The following STARD8 variants were observed in gnomAD, a reference collection of about 807,000 sequenced individuals.
STARD8 encodes stAR-related lipid transfer protein 8.
A neutral mutation model predicts 69.4 loss-of-function variants in STARD8; 25 were observed. That is an observed-to-expected ratio of 0.36 (90% CI 0.26 to 0.50). The LOEUF is 0.50. Ranked by LOEUF, STARD8 falls within the 20% of genes least tolerant of loss-of-function variation. STARD8 has a pLI of 0.96. For missense variants in STARD8, 921 were observed against 932.5 expected (o/e 0.99, Z 0.16); for synonymous variants, 389 against 374.6 (o/e 1.04, Z -0.45).
chrX:68,723,284 T>C (rs1214126013), intron 12 of STARD8, among the ~76,000 whole-genome samples: 5 of 112,800 alleles, frequency 4.4e-5, no homozygotes, highest in Non-Finnish European at 7.5e-5. Context: ...GTTGTGCATG[T>C]GTTTTACTGC....
At chrX:68,685,479 C>T (rs1369706331) in intron 2 of STARD8, among the ~76,000 whole-genome samples, 2 of 112,374 alleles carry the variant, frequency 1.8e-5, no homozygotes, top group African/African-American at 3.2e-5. Context: ...AGTTTGCTTG[C>T]GGTGGTGGGG....
chrX:68,681,950 G>A (rs2079803392), intron 2 of STARD8, among the ~76,000 whole-genome samples: 1 of 110,578 alleles, frequency 9.0e-6, no homozygotes, highest in Admixed American at 9.6e-5. Context: ...TTTGGTCAAG[G>A]TTGCTCCTGG....
chrX:68,717,152 G>A (rs1219846642), intron 5 of STARD8, 60 bp from the exon 6 acceptor site: 2 of 1,106,851 alleles, frequency 1.8e-6, no homozygotes, highest in East Asian at 6.5e-5. Flanking sequence ...AGAGAGTGGA[G>A]TACAAGCAAG....
intron 2 of STARD8, among the ~76,000 whole-genome samples, chrX:68,677,463 T>A (rs1024363548): frequency 8.9e-6 from 1 of 111,820 alleles, no homozygotes; most frequent in Non-Finnish European, 1.9e-5. Flanking sequence ...CCTCGAGGGC[T>A]GTGTCCCCAT....
In STARD8 at chrX:68,717,864, A is replaced by G; in HGVS notation, c.950A>G (p.Glu317Gly). The G allele has an allele frequency of 8.3e-7, 1 of 1,210,225 alleles. No homozygotes were observed. The highest frequency in any genetic ancestry group is 1.1e-6 in the Non-Finnish European group (1 of 894,739). The change falls in exon 6 of 15, where the codon GAG (glutamate) becomes GGG (glycine). Residue 317 changes from glutamate (E) to glycine (G), a missense_variant. Transcript: ENST00000374599. Reference protein sequence around the residue: ...PGTFPRSLSIESLCPEDGHRL... With the variant: ...PGTFPRSLSIGSLCPEDGHRL... ...ACATTCCCTCGCTCCCTGTCCATTG[A>G]GAGCCTGTGTCCTGAGGATGGACAC...
At chrX:68,715,039 G>T (rs1000796962) in intron 3 of STARD8, among the ~76,000 whole-genome samples, 1 of 110,855 alleles carries the variant, frequency 9.0e-6, no homozygotes, top group Non-Finnish European at 1.9e-5. Flanking sequence ...GGGGTCTTGG[G>T]CCTGCTATCT....
intron 2 of STARD8, among the ~76,000 whole-genome samples, chrX:68,707,203 C>CT (rs1363029829): frequency 1.8e-5 from 2 of 112,667 alleles, no homozygotes; most frequent in Non-Finnish European, 3.8e-5. Context: ...AAATAGGAAG[C>CT]TAAGTCAGGT....
rs1295168037 is a variant in STARD8 at position 68,718,214 on chromosome X, G to A, written c.1300G>A (p.Val434Ile). The part of the protein sequence containing the change: ...TSSVEIATVE[V>I]KCQAEALSQM... ...ATCAGTAGAAATAGCCACAGTTGAG[G>A]TCAAATGCCAAGCTGAGGCTCTCAG... Residue 434 changes from valine (V) to isoleucine (I), a missense_variant, in exon 6 of 15, where the codon GTC (valine) becomes ATC (isoleucine). By Grantham distance (29) the Val-to-Ile change is conservative. Transcript: ENST00000374599. 3 of 1,211,678 alleles carry A rather than the reference G, an allele frequency of 2.5e-6. No individual in the cohort carries two copies. The highest frequency in any genetic ancestry group is 2.2e-5 in the Admixed American group (1 of 46,055).
intron 1 of STARD8, among the ~76,000 whole-genome samples, chrX:68,663,794 T>C (rs1392491842): frequency 8.9e-6 from 1 of 112,067 alleles, no homozygotes. Flanking sequence ...TTCCACTTTG[T>C]AGCTTTGTAG....
intron 3 of STARD8, among the ~76,000 whole-genome samples, chrX:68,714,629 A>G (rs2080077315): frequency 8.9e-6 from 1 of 112,420 alleles, no homozygotes; most frequent in Admixed American, 9.4e-5. Flanking sequence ...AGAAGGCAGG[A>G]ACCGTTTTTG....
intron 1 of STARD8, among the ~76,000 whole-genome samples, chrX:68,662,786 T>C (rs2079659634): frequency 8.9e-6 from 1 of 111,853 alleles, no homozygotes; most frequent in South Asian, 3.8e-4. Context: ...AGCAACAAAT[T>C]ACTCCCTCTG....
At chrX:68,706,646 C>T (rs1037960442) in intron 2 of STARD8, among the ~76,000 whole-genome samples, 3 of 112,748 alleles carry the variant, frequency 2.7e-5, no homozygotes, top group African/African-American at 9.7e-5. Context: ...AAACAGTGCC[C>T]CTGAGGGATG....
intron 2 of STARD8, among the ~76,000 whole-genome samples, chrX:68,675,654 G>C (rs897194790): frequency 1.8e-5 from 2 of 110,953 alleles, no homozygotes; most frequent in African/African-American, 3.3e-5. Context: ...ATGAGCCCCC[G>C]GGCCTCTGGG....
intron 3 of STARD8, among the ~76,000 whole-genome samples, chrX:68,713,498 A>G (rs1451729652): frequency 9.0e-6 from 1 of 111,248 alleles, no homozygotes; most frequent in Non-Finnish European, 1.9e-5. Context: ...TGCCTGGTCA[A>G]TTCACCAGTG....
chrX:68,711,907 C>A (rs191280967), intron 2 of STARD8, among the ~76,000 whole-genome samples: 23 of 112,895 alleles, frequency 2.0e-4, no homozygotes, highest in African/African-American at 6.8e-4. Flanking sequence ...CCCCAACCAA[C>A]CCGGTGATGC....
Position 68,723,669 on chromosome X carries a change from A to C in STARD8, c.2843A>C (p.Glu948Ala). ...HPLRLWKAST[E>A]VAAPPAVVLH... ...CTGCGGCTATGGAAGGCATCCACAG[A>C]GGTGGCAGCCCCCCCAGCTGTGGTG... Residue 948 changes from glutamate (E) to alanine (A), a missense_variant, in exon 13 of 15, where the codon GAG becomes GCG. Glu to Ala is a moderately radical substitution (Grantham distance 107, BLOSUM62 -1). Transcript: ENST00000374599. 2.5e-6 allele frequency: 3 copies of C among 1,199,935 alleles called. No individual in the cohort carries two copies.
intron 1 of STARD8, among the ~76,000 whole-genome samples, chrX:68,661,964 CTCTCTCTCTTTCTTTCTTTCTT>C (rs1179822702): frequency 6.3e-5 from 5 of 79,479 alleles, no homozygotes; most frequent in South Asian, 6.6e-4. Flanking sequence ...CTCTCTCTCT[CTCTCTCTCTTTCTTTCTTTCTT>C]TCTTTCTTTC....
At chrX:68,670,978 T>C (rs2079724777) in intron 2 of STARD8, among the ~76,000 whole-genome samples, 1 of 111,735 alleles carries the variant, frequency 8.9e-6, no homozygotes, top group South Asian at 3.8e-4. Context: ...AGCTCTGGCC[T>C]TGATGGTTGC....
At chrX:68,690,864 A>C (rs1199595980) in intron 2 of STARD8, among the ~76,000 whole-genome samples, 1 of 112,134 alleles carries the variant, frequency 8.9e-6, no homozygotes, top group Non-Finnish European at 1.9e-5. Flanking sequence ...ACTATGTGCC[A>C]GCCATCACTC....
Sources: gnomAD v4.1 joint callset for allele counts (sites outside exome capture counted in the v4.1 genomes callset) on GRCh38, gnomAD v4.1.1 for gene constraint, MANE v1.5 for transcripts, NCBI Gene and HGNC (gene_info 2026-07-23, HGNC 2026-07-21) for gene names.